The following SAMMSON variants were observed in gnomAD, a reference collection of about 807,000 sequenced individuals.
SAMMSON encodes the protein long intergenic non-protein coding RNA 1212.
chr3:70,096,102 C>T (rs955531864), intron 4 of SAMMSON: 1 of 152,226 alleles, frequency 6.6e-6, no homozygotes, highest in Non-Finnish European at 1.5e-5. Context: ...TTCCTCTAAC[C>T]TCACATGGTT....
chr3:70,175,241 A>G (rs116494083), intron 4 of SAMMSON, among the ~76,000 whole-genome samples: 3,582 of 152,182 alleles, frequency 0.024, 75 homozygotes, highest in Middle Eastern at 0.054. Context: ...CAATCAAGAC[A>G]CCTTACTTTC....
At chr3:70,301,294 A>G (rs1702346192) in intron 7 of SAMMSON, among the ~76,000 whole-genome samples, 1 of 152,126 alleles carries the variant, frequency 6.6e-6, no homozygotes. Flanking sequence ...ATCTGCATGT[A>G]AGGAATTGGG....
At chr3:70,084,446 C>T (rs970044587) in intron 4 of SAMMSON, among the ~76,000 whole-genome samples, 2 of 152,182 alleles carry the variant, frequency 1.3e-5, no homozygotes, top group African/African-American at 2.4e-5. Context: ...GGCCTGTGAA[C>T]CATTTAATAA....
chr3:70,407,448 A>G (rs1330679795), intron 2 of SAMMSON, among the ~76,000 whole-genome samples: 1 of 152,232 alleles, frequency 6.6e-6, no homozygotes, highest in Non-Finnish European at 1.5e-5. Context: ...ATGGGGATAC[A>G]GGTATTGGTA....
intron 4 of SAMMSON, among the ~76,000 whole-genome samples, chr3:70,082,130 A>G (rs1438600862): frequency 6.6e-6 from 1 of 152,140 alleles, no homozygotes; most frequent in Non-Finnish European, 1.5e-5. Context: ...ATGTTGGCCT[A>G]AGAGCCTCCC....
intron 9 of SAMMSON, among the ~76,000 whole-genome samples, chr3:70,386,000 A>G (rs376916367): frequency 1.3e-5 from 2 of 152,174 alleles, no homozygotes; most frequent in East Asian, 1.9e-4. Context: ...TTTTGAACAA[A>G]CATCCCAACT....
intron 1 of SAMMSON, among the ~76,000 whole-genome samples, chr3:70,010,341 T>G (rs2066948632): frequency 6.6e-6 from 1 of 152,186 alleles, no homozygotes; most frequent in South Asian, 2.1e-4. Flanking sequence ...GGTGCATATA[T>G]GTTTAGGATA....
At chr3:70,169,004 G>A (rs1453946715) in intron 4 of SAMMSON, among the ~76,000 whole-genome samples, 1 of 151,866 alleles carries the variant, frequency 6.6e-6, no homozygotes, top group Non-Finnish European at 1.5e-5. Context: ...TAGAAACAAG[G>A]GGAAGACATC....
chr3:70,062,747 G>C (rs1218166700), intron 3 of SAMMSON, among the ~76,000 whole-genome samples: 1 of 152,022 alleles, frequency 6.6e-6, no homozygotes, highest in Non-Finnish European at 1.5e-5. Context: ...CTGGCTGGCT[G>C]TTTCGCTCTG....
chr3:70,182,942 C>G (rs1188139355), intron 4 of SAMMSON, among the ~76,000 whole-genome samples: 1 of 151,588 alleles, frequency 6.6e-6, no homozygotes, highest in African/African-American at 2.4e-5. Flanking sequence ...ATGATGCAAA[C>G]GAAAAAGACT....
At chr3:70,334,237 T>C (rs1043929321) in intron 7 of SAMMSON, among the ~76,000 whole-genome samples, 24 of 152,108 alleles carry the variant, frequency 1.6e-4, no homozygotes, top group Non-Finnish European at 3.2e-4. Context: ...TAAAAAACAA[T>C]AACCTAATCA....
At chr3:70,300,410 T>C (rs2106701122) in intron 7 of SAMMSON, among the ~76,000 whole-genome samples, 1 of 152,212 alleles carries the variant, frequency 6.6e-6, no homozygotes, top group African/African-American at 2.4e-5. Context: ...AACTACCACG[T>C]TATCTTACAA....
rs1394044519 is a variant in SAMMSON, at chr3:70,094,081, A to G, written n.507+22516A>G. On this transcript the variant is annotated intron_variant and non_coding_transcript_variant, in intron 4 of 9. Coordinates refer to ENST00000642114, the Ensembl canonical transcript of SAMMSON. ...GAACCATCAGCCTGAAATTGGTGCA[A>G]ATTATATAAAATTCAGATTGTGCAC... 2.6e-5 allele frequency among the ~76,000 whole-genome samples: 4 copies of G among 152,170 alleles called. No individual in the cohort carries two copies. In the East Asian group the frequency reaches 7.7e-4, roughly 29 times the overall value.
At position 70,261,223 on chromosome 3, in the gene SAMMSON, C is replaced by T. The variant is rs1368335489; in HGVS notation, n.674+11553C>T. On this transcript the variant is annotated intron_variant and non_coding_transcript_variant, in intron 6 of 9. Transcript: ENST00000642114. ...TTGGTGGTCAAAGCTTTGAATCATT[C>T]ACAAGAGTCAATCTTGGATTCTTAA... 3.3e-5 allele frequency among the ~76,000 whole-genome samples: 5 copies of T among 152,306 alleles called. No individual in the cohort carries two copies. In the East Asian group the frequency reaches 9.6e-4, roughly 29 times the overall value.
At chr3:70,047,704 T>G (rs2067132087) in intron 3 of SAMMSON, among the ~76,000 whole-genome samples, 1 of 152,096 alleles carries the variant, frequency 6.6e-6, no homozygotes, top group South Asian at 2.1e-4. Flanking sequence ...CACCTGAGAC[T>G]GGTTGGCTTA....
intron 6 of SAMMSON, among the ~76,000 whole-genome samples, chr3:70,277,161 T>C (rs2106677689): frequency 6.6e-6 from 1 of 152,322 alleles, no homozygotes; most frequent in East Asian, 1.9e-4. Context: ...ACTTTCCTGA[T>C]AGGCTCCTAA....
At chr3:70,249,856 T>C (rs1224608866) in intron 6 of SAMMSON, among the ~76,000 whole-genome samples, 2 of 152,162 alleles carry the variant, frequency 1.3e-5, no homozygotes, top group African/African-American at 4.8e-5. Context: ...GATGCTGAAA[T>C]TCCTTTATTT....
At chr3:70,362,913 C>T (rs1575633905) in intron 9 of SAMMSON, among the ~76,000 whole-genome samples, 1 of 150,850 alleles carries the variant, frequency 6.6e-6, no homozygotes. Flanking sequence ...GTTTATCAGG[C>T]TCATGTCCAG....
At chr3:70,159,523 G>A (rs555303179) in intron 4 of SAMMSON, 7 of 152,060 alleles carry the variant, frequency 4.6e-5, no homozygotes, top group African/African-American at 1.4e-4. Flanking sequence ...AGCAGTGTAC[G>A]AGAGTACCAA....
Sources: gnomAD v4.1 joint callset for allele counts (sites outside exome capture counted in the v4.1 genomes callset) on GRCh38, gnomAD v4.1.1 for gene constraint, MANE v1.5 for transcripts, NCBI Gene and HGNC (gene_info 2026-07-23, HGNC 2026-07-21) for gene names.